Variants in CNBD1 observed in about 807,000 individuals in gnomAD.
The protein encoded by CNBD1 is cyclic nucleotide binding domain containing 1.
In CNBD1, 71 loss-of-function variants were observed where a neutral mutation model predicts 54.4. The ratio of observed to expected loss-of-function variants is 1.30; its 90% CI spans 1.08 to 1.59. CNBD1 has a LOEUF of 1.59. CNBD1 is among the 40% of genes most tolerant of loss of function. The pLI is 0.00. For missense variants in CNBD1, 659 were observed against 518.0 expected, an observed-to-expected ratio of 1.27 and a Z score of -2.64; for synonymous variants, 182 against 170.7, an observed-to-expected ratio of 1.07 and a Z score of -0.51.
chr8:87,419,437 T>G (rs563373404), intron 2 of CNBD1, among the ~76,000 whole-genome samples: 66 of 152,048 alleles, frequency 4.3e-4, no homozygotes, highest in African/African-American at 1.5e-3. Flanking sequence ...AGGCGTGAAT[T>G]TTATTGTGTG....
At chr8:86,879,467 G>A (rs1361463215) in intron 1 of CNBD1, among the ~76,000 whole-genome samples, 2 of 152,196 alleles carry the variant, frequency 1.3e-5, no homozygotes, top group African/African-American at 2.4e-5. Flanking sequence ...TTCTGAGGTG[G>A]ATCTAAAAGT....
intron 4 of CNBD1, among the ~76,000 whole-genome samples, chr8:86,979,451 A>T (rs936659159): frequency 2.0e-5 from 3 of 148,952 alleles, no homozygotes; most frequent in African/African-American, 7.4e-5. Context: ...TTAGCCTGCC[A>T]TGGTGGCACT....
intron 5 of CNBD1, among the ~76,000 whole-genome samples, chr8:87,211,419 G>C (rs1404207816): frequency 6.6e-6 from 1 of 151,958 alleles, no homozygotes; most frequent in Admixed American, 6.6e-5. Context: ...TGAGATTTGG[G>C]GGCCAGGGGC....
At chr8:87,423,744 G>C (rs1409351708) in intron 2 of CNBD1, among the ~76,000 whole-genome samples, 3 of 151,124 alleles carry the variant, frequency 2.0e-5, no homozygotes, top group Non-Finnish European at 4.4e-5. Context: ...TCTCTTTTTT[G>C]GTTGTGTCTC....
intron 2 of CNBD1, among the ~76,000 whole-genome samples, chr8:87,414,073 A>G (rs1409204193): frequency 2.6e-5 from 4 of 152,188 alleles, no homozygotes; most frequent in East Asian, 3.9e-4. Context: ...ACATGCACAC[A>G]TATGTTTATT....
intron 4 of CNBD1, among the ~76,000 whole-genome samples, chr8:87,133,916 C>T (rs1012863188): frequency 6.6e-6 from 1 of 152,064 alleles, no homozygotes; most frequent in Non-Finnish European, 1.5e-5. Flanking sequence ...AATGGTAGAG[C>T]ACTCAGAAGT....
chr8:86,963,688 A>C (rs929292231), intron 4 of CNBD1, among the ~76,000 whole-genome samples: 2 of 152,188 alleles, frequency 1.3e-5, no homozygotes, highest in Non-Finnish European at 2.9e-5. Context: ...CTTCACGGTC[A>C]TGCTAAGAGA....
intron 2 of CNBD1, among the ~76,000 whole-genome samples, chr8:87,411,743 A>T (rs544413982): frequency 6.6e-6 from 1 of 151,412 alleles, no homozygotes; most frequent in South Asian, 2.1e-4. Flanking sequence ...TTATGTACTG[A>T]AAGGGTTCAT....
intron 4 of CNBD1, among the ~76,000 whole-genome samples, chr8:86,978,991 C>T (rs186083453): frequency 2.0e-3 from 300 of 151,990 alleles, no homozygotes; most frequent in Non-Finnish European, 3.2e-3. Flanking sequence ...TACAATGTAA[C>T]TTTTCATGGT....
intron 3 of CNBD1, among the ~76,000 whole-genome samples, chr8:86,921,672 C>T (rs1313062063): frequency 6.6e-6 from 1 of 152,132 alleles, no homozygotes; most frequent in Non-Finnish European, 1.5e-5. Flanking sequence ...TTCACTACCA[C>T]AAGAACAGTA....
intron 4 of CNBD1, among the ~76,000 whole-genome samples, chr8:87,145,408 A>G (rs1268693211): frequency 6.6e-6 from 1 of 152,226 alleles, no homozygotes. Context: ...AACACATGTT[A>G]ACCAAAGAAA....
In CNBD1 at chr8:87,281,541, GAT is replaced by G. The variant is rs57434544; in HGVS notation, c.772-3077_772-3076del. Among the ~76,000 whole-genome samples, 95 of 95,854 alleles carry G rather than the reference GAT, an allele frequency of 9.9e-4. 2 individuals carry two copies. The highest frequency in any genetic ancestry group is 5.7e-3 in the Middle Eastern group (1 of 176). The allele number at this position is 95,854 out of a possible 152,430, so 62.9% of individuals were successfully genotyped here. ...TTTCATCAGAATTCTTCTAGGCTAAGATATATATATATATATATATATATATA... is the reference window on the plus strand; with the variant it reads ...TTTCATCAGAATTCTTCTAGGCTAAGATATATATATATATATATATATATA... On this transcript the variant is annotated intron_variant, in intron 6 of 10. Coordinates refer to ENST00000518476, the MANE Select transcript of CNBD1 (RefSeq NM_173538.3).
chr8:87,408,393 ATG>A (rs532231229), intron 2 of CNBD1, among the ~76,000 whole-genome samples: 37 of 150,868 alleles, frequency 2.5e-4, no homozygotes, highest in South Asian at 6.3e-4. Flanking sequence ...AGATACATAT[ATG>A]TGTGTGTGTG....
At chr8:86,913,985 G>A (rs559450821) in intron 3 of CNBD1, among the ~76,000 whole-genome samples, 135 of 152,120 alleles carry the variant, frequency 8.9e-4, no homozygotes, top group Middle Eastern at 3.4e-3. Context: ...TCTCTTACCC[G>A]TTTTCAGTCA....
intron 4 of CNBD1, among the ~76,000 whole-genome samples, chr8:87,083,780 G>A (rs1811045168): frequency 6.6e-6 from 1 of 151,862 alleles, no homozygotes; most frequent in Admixed American, 6.6e-5. Flanking sequence ...AGTAGAGACA[G>A]GGTTTTACCA....
chr8:87,164,589 T>C (rs920179868), intron 4 of CNBD1, among the ~76,000 whole-genome samples: 21 of 151,918 alleles, frequency 1.4e-4, no homozygotes, highest in Middle Eastern at 6.8e-3. Flanking sequence ...TATAATTGTT[T>C]ACAGTAGTTT....
intron 4 of CNBD1, among the ~76,000 whole-genome samples, chr8:87,200,158 G>C (rs138724682): frequency 6.6e-6 from 1 of 152,130 alleles, no homozygotes; most frequent in East Asian, 1.9e-4. Flanking sequence ...AATCCCAGAT[G>C]AATAGGAGAG....
chr8:87,092,430 T>TATGTGTGTGTGTGTATATATATACAC (rs1491250784), intron 4 of CNBD1, among the ~76,000 whole-genome samples: 9 of 147,914 alleles, frequency 6.1e-5, no homozygotes, highest in African/African-American at 2.3e-4. Flanking sequence ...TGTATGTATG[T>TATGTGTGTGTGTGTATATATATACAC]ATGTGTGTGT....
intron 1 of CNBD1, among the ~76,000 whole-genome samples, chr8:86,869,294 A>G (rs1046594563): frequency 2.6e-5 from 4 of 152,238 alleles, no homozygotes; most frequent in African/African-American, 9.6e-5. Context: ...GTTCACACAG[A>G]TGTTAAGTAG....
Sources: gnomAD v4.1 joint callset for allele counts (sites outside exome capture counted in the v4.1 genomes callset) on GRCh38, gnomAD v4.1.1 for gene constraint, MANE v1.5 for transcripts, NCBI Gene and HGNC (gene_info 2026-07-23, HGNC 2026-07-21) for gene names.